CCSER1: variants seen among roughly 807,000 people sequenced by gnomAD.
The protein encoded by CCSER1 is serine-rich coiled-coil domain-containing protein 1.
In CCSER1, 41 loss-of-function variants were observed where a neutral mutation model predicts 82.0. The observed-to-expected ratio is 0.50, with a 90% CI of 0.39 to 0.65. The LOEUF is 0.65. Among genes scored for constraint, CCSER1 ranks in the 30% least tolerant of loss-of-function variants. The pLI is 0.00. For synonymous variants in CCSER1, 414 were observed against 383.9 expected, an observed-to-expected ratio of 1.08 and a Z score of -0.92; for missense variants, 1,119 against 1,064.2, an observed-to-expected ratio of 1.05 and a Z score of -0.72.
At chr4:91,459,013 T>A (rs548788496) in intron 10 of CCSER1, among the ~76,000 whole-genome samples, 1 of 151,836 alleles carries the variant, frequency 6.6e-6, no homozygotes, top group African/African-American at 2.4e-5. Context: ...AACTTATGGG[T>A]TTTTTTTCCC....
chr4:91,249,057 G>C (rs950770567), intron 10 of CCSER1, among the ~76,000 whole-genome samples: 1 of 151,956 alleles, frequency 6.6e-6, no homozygotes, highest in Non-Finnish European at 1.5e-5. Flanking sequence ...TTTAAAAGCT[G>C]GGTTGAATTT....
At chr4:90,217,656 A>AT (rs1366304877) in intron 1 of CCSER1, among the ~76,000 whole-genome samples, 27 of 151,878 alleles carry the variant, frequency 1.8e-4, no homozygotes, top group African/African-American at 6.5e-4. Flanking sequence ...GAGAGTAGGC[A>AT]TTTTTTGTCT....
At chr4:91,096,387 C>A (rs1207870413) in intron 10 of CCSER1, among the ~76,000 whole-genome samples, 1 of 152,170 alleles carries the variant, frequency 6.6e-6, no homozygotes, top group Non-Finnish European at 1.5e-5. Flanking sequence ...ACTTTAGGGG[C>A]TGGCTTCCCT....
At chr4:90,481,717 AG>A (rs1201435088) in intron 5 of CCSER1, among the ~76,000 whole-genome samples, 2 of 152,232 alleles carry the variant, frequency 1.3e-5, no homozygotes, top group Non-Finnish European at 2.9e-5. Flanking sequence ...CCAGGGATGA[AG>A]CCCACTTGAT....
At chr4:90,231,418 A>G (rs1744515880) in intron 1 of CCSER1, among the ~76,000 whole-genome samples, 1 of 151,014 alleles carries the variant, frequency 6.6e-6, no homozygotes, top group Non-Finnish European at 1.5e-5. Flanking sequence ...ACAAAATTCA[A>G]CAACCCTTCA....
chr4:91,580,160 A>C (rs1443425037), intron 10 of CCSER1, among the ~76,000 whole-genome samples: 3 of 151,934 alleles, frequency 2.0e-5, no homozygotes, highest in Non-Finnish European at 4.4e-5. Context: ...TTTATAATGC[A>C]GCATATTCAA....
chr4:91,095,769 C>T (rs888027607), intron 10 of CCSER1, among the ~76,000 whole-genome samples: 5 of 152,060 alleles, frequency 3.3e-5, no homozygotes, highest in Non-Finnish European at 7.4e-5. Flanking sequence ...TTTTTTCAGC[C>T]CTTCAATTAA....
chr4:90,616,194 G>A (rs954072079), intron 5 of CCSER1, among the ~76,000 whole-genome samples: 1 of 152,138 alleles, frequency 6.6e-6, no homozygotes, highest in Admixed American at 6.6e-5. Flanking sequence ...CAAAAAAATT[G>A]TGTGACTTCC....
chr4:90,780,627 A>G (rs1209522910), intron 7 of CCSER1: 1 of 1,407,736 alleles, frequency 7.1e-7, no homozygotes. Context: ...AGGCTTTTCT[A>G]TATCATTATA....
chr4:90,782,685 CTT>C (rs61457393), intron 7 of CCSER1, among the ~76,000 whole-genome samples: 8 of 133,962 alleles, frequency 6.0e-5, no homozygotes, highest in Non-Finnish European at 4.7e-5. Context: ...TTCTTTCTTT[CTT>C]TTTTTTTTTT....
intron 2 of CCSER1, 104 bp downstream of exon 2, chr4:90,309,712 T>A: frequency 1.1e-6 from 1 of 888,964 alleles, no homozygotes; most frequent in South Asian, 2.0e-5. Flanking sequence ...ATTTTTCTTG[T>A]TTTTCACTTT....
chr4:91,427,769 CTGTT>C (rs1169795771), intron 10 of CCSER1, among the ~76,000 whole-genome samples: 4 of 151,956 alleles, frequency 2.6e-5, no homozygotes, highest in Admixed American at 2.0e-4. Context: ...TTGCAAATGA[CTGTT>C]TGTCATGGAG....
chr4:91,428,795 T>C (rs1426529963), intron 10 of CCSER1, among the ~76,000 whole-genome samples: 1 of 152,094 alleles, frequency 6.6e-6, no homozygotes, highest in African/African-American at 2.4e-5. Context: ...TATTGCATTT[T>C]AGTATTGTTT....
At chr4:90,157,058 G>A in intron 1 of CCSER1, among the ~76,000 whole-genome samples, 1 of 152,120 alleles carries the variant, frequency 6.6e-6, no homozygotes, top group Admixed American at 6.5e-5. Flanking sequence ...AGCTCTTTTA[G>A]GGCAGTCCTG....
chr4:90,914,712 A>G (rs1195079190), intron 8 of CCSER1, among the ~76,000 whole-genome samples: 1 of 114,496 alleles, frequency 8.7e-6, no homozygotes, highest in Admixed American at 8.4e-5. Context: ...GGAGCTTTTT[A>G]TTGAAAAAAA....
At chr4:90,368,115 A>G (rs1746598037) in intron 3 of CCSER1, among the ~76,000 whole-genome samples, 1 of 151,896 alleles carries the variant, frequency 6.6e-6, no homozygotes, top group Non-Finnish European at 1.5e-5. Context: ...AGAACACTCC[A>G]ATGCTATAAA....
Position 91,565,944 on chromosome 4 carries a change from G to T in CCSER1, c.2218-32628G>T, listed in dbSNP as rs142219543. 2.7e-3 allele frequency among the ~76,000 whole-genome samples: 411 copies of T among 152,192 alleles called. 1 individual carries two copies. Among genetic ancestry groups the T allele is most frequent in the African/African-American group, 9.4e-3 (392 of 41,544 alleles). The stretch of plus-strand genomic sequence containing the variant: ...ATACTATGTTGAATAGGAGTGGTGG[G>T]AGAAGGCATGCTTGTCTTGTGCCTG... On this transcript the variant is annotated intron_variant, in intron 10 of 10. Coordinates refer to ENST00000509176, the MANE Select transcript of CCSER1 (RefSeq NM_001145065.2).
intron 10 of CCSER1, among the ~76,000 whole-genome samples, chr4:91,189,382 A>C (rs1349575529): frequency 1.3e-5 from 2 of 152,114 alleles, no homozygotes; most frequent in African/African-American, 2.4e-5. Context: ...TTCATTCTTA[A>C]TTAGGACAGG....
At chr4:90,780,833 T>C in intron 7 of CCSER1, 2 of 1,016,510 alleles carry the variant, frequency 2.0e-6, no homozygotes, top group South Asian at 8.1e-5. Flanking sequence ...AAACTGTCAG[T>C]GTATTAGGCT....
Sources: allele counts gnomAD v4.1 joint callset (sites outside exome capture counted in the v4.1 genomes callset), GRCh38; gene constraint gnomAD v4.1.1; transcripts MANE v1.5; gene names NCBI Gene and HGNC (gene_info 2026-07-23, HGNC 2026-07-21).